The following ADAM28 variants were observed in gnomAD, a reference collection of about 807,000 sequenced individuals.
The protein encoded by ADAM28 is ADAM metallopeptidase domain 28.
In ADAM28, 105 loss-of-function variants were observed where a neutral mutation model predicts 101.2. The ratio of observed to expected loss-of-function variants is 1.04; its 90% CI spans 0.89 to 1.22. ADAM28 has a LOEUF of 1.22. ADAM28 is among the 50% of genes most tolerant of loss of function. The pLI is 0.00. For synonymous variants in ADAM28, 322 were observed against 310.6 expected, an observed-to-expected ratio of 1.04 and a Z score of -0.39; for missense variants, 1,028 against 945.4, an observed-to-expected ratio of 1.09 and a Z score of -1.15.
At chr8:24,296,751 G>A (rs543078643) in intron 1 of ADAM28, among the ~76,000 whole-genome samples, 1 of 152,172 alleles carries the variant, frequency 6.6e-6, no homozygotes, top group Non-Finnish European at 1.5e-5. Context: ...GAGAGAGAAG[G>A]CAAGTATTAA....
Position 24,355,732 on chromosome 8 carries a change from C to G in ADAM28, c.*1328C>G, listed in dbSNP as rs1199167810. 2.6e-5 allele frequency: 4 copies of G among 152,096 alleles called. No homozygotes were observed. Among genetic ancestry groups the G allele is most frequent in the Admixed American group, 6.6e-5 (1 of 15,250 alleles). 9.4% of individuals were successfully genotyped at this position (152,096 alleles called of 1,614,324 possible). Reference sequence around the variant, plus strand: ...CAATGATGTCATGGAATTGGTAGATCAGTGACTGCTGGAGTTACCTCACAC... The same window carrying G: ...CAATGATGTCATGGAATTGGTAGATGAGTGACTGCTGGAGTTACCTCACAC... On this transcript the variant is annotated 3_prime_UTR_variant, in exon 23 of 23. Coordinates refer to ENST00000265769, the MANE Select transcript of ADAM28 (RefSeq NM_014265.6).
intron 2 of ADAM28, among the ~76,000 whole-genome samples, chr8:24,306,877 G>T (rs944962684): frequency 1.3e-5 from 2 of 152,088 alleles, no homozygotes; most frequent in Non-Finnish European, 2.9e-5. Flanking sequence ...GCTGCTGCAT[G>T]CCTCATATCT....
At chr8:24,343,805 T>A (rs182964276) in intron 18 of ADAM28, among the ~76,000 whole-genome samples, 139 of 152,340 alleles carry the variant, frequency 9.1e-4, no homozygotes, top group African/African-American at 3.2e-3. Flanking sequence ...TTCCTCAACC[T>A]TTATATTTGT....
At chr8:24,330,848 T>G (rs1053781463) in intron 11 of ADAM28, among the ~76,000 whole-genome samples, 1 of 152,150 alleles carries the variant, frequency 6.6e-6, no homozygotes, top group Non-Finnish European at 1.5e-5. Flanking sequence ...AAATAAATAT[T>G]TTGGTACCTT....
At chr8:24,327,062 A>G (rs986787748) in intron 10 of ADAM28, among the ~76,000 whole-genome samples, 3 of 152,118 alleles carry the variant, frequency 2.0e-5, no homozygotes, top group Non-Finnish European at 2.9e-5. Context: ...CAGGCAAGAG[A>G]AAGAAATAAA....
chr8:24,325,902 C>CA (rs1812549919), intron 9 of ADAM28, among the ~76,000 whole-genome samples: 1 of 62,642 alleles, frequency 1.6e-5, no homozygotes, highest in Non-Finnish European at 3.3e-5. Flanking sequence ...AAAAAAAAAC[C>CA]AAAAAACAAA....
At chr8:24,320,454 G>T (rs1811722236) in intron 7 of ADAM28, 147 bp downstream of exon 7, 4 of 608,918 alleles carry the variant, frequency 6.6e-6, no homozygotes, top group Middle Eastern at 8.0e-4. Context: ...TATGAAATTT[G>T]ACATTTATAA....
In ADAM28 at chr8:24,326,557, A is replaced by C; in HGVS notation, c.894A>C (p.Ala298=). 1 of 1,611,686 alleles carries C rather than the reference A, an allele frequency of 6.2e-7. No individual in the cohort carries two copies. The highest frequency in any genetic ancestry group is 8.5e-7 in the Non-Finnish European group (1 of 1,178,490). ...TCAATTTATTCCTTTCTTGCAGAGC[A>C]ACAGAACTTGCTGGAACGACTGTGG... ...KRHDIAQLIT[A]TELAGTTVGL... Residue 298 remains alanine (A), a synonymous_variant, in exon 10 of 23, where the codon GCA becomes GCC. Transcript: ENST00000265769.
At position 24,336,223 on chromosome 8, in the gene ADAM28, C is replaced by T. The variant is rs1814028089; in HGVS notation, c.1567+582C>T. ...TTAGAGACCATATTCTCTAATTTCA[C>T]CAAGAAAACTTGAAAAATAAAAGTT... On this transcript the variant is annotated intron_variant, in intron 14 of 22. Coordinates refer to ENST00000265769, the MANE Select transcript of ADAM28 (RefSeq NM_014265.6). 3.3e-6 allele frequency: 3 copies of T among 922,180 alleles called. No individual in the cohort carries two copies. The African/African-American group carries it at 5.4e-5, about 17-fold the overall frequency. 57.1% of individuals were successfully genotyped at this position (922,180 alleles called of 1,614,324 possible). A position where few individuals can be genotyped will look rare whatever the true frequency, so the allele number is the denominator to read the frequency against.
At chr8:24,309,284 T>C (rs1333771959) in intron 2 of ADAM28, among the ~76,000 whole-genome samples, 1 of 152,200 alleles carries the variant, frequency 6.6e-6, no homozygotes, top group Non-Finnish European at 1.5e-5. Flanking sequence ...ATTCCTGTTA[T>C]GTTTCTCATA....
chr8:24,342,895 C>T (rs1293585101), intron 16 of ADAM28: 2 of 799,478 alleles, frequency 2.5e-6, no homozygotes, highest in African/African-American at 3.5e-5. Context: ...TACATAAATT[C>T]TTAGATAGAC....
intron 8 of ADAM28, 24 bp downstream of exon 8, chr8:24,321,313 A>G: frequency 3.9e-6 from 6 of 1,526,514 alleles, no homozygotes; most frequent in Non-Finnish European, 5.4e-6. Context: ...TATTACCTGC[A>G]GTTTTAAACA....
rs1490420532 is a variant in ADAM28, at chr8:24,335,597, C to T, written c.1523C>T (p.Thr508Ile). ...GGGAAGGGCCACTGCTTGATGGGGA[C>T]ATGCCCCACACTGCAGGAGCAGTGC... ...HHGKGHCLMG[T>I]CPTLQEQCTE... The change falls in exon 14 of 23, where the codon ACA becomes ATA. Residue 508 changes from threonine (T) to isoleucine (I), a missense_variant. Coordinates refer to ENST00000265769, the MANE Select transcript of ADAM28 (RefSeq NM_014265.6). 6.8e-6 allele frequency: 11 copies of T among 1,613,358 alleles called. No homozygotes were observed. Among genetic ancestry groups the T allele is most frequent in the South Asian group, 1.1e-5 (1 of 90,934 alleles).
intron 6 of ADAM28, among the ~76,000 whole-genome samples, chr8:24,315,372 A>T (rs1811030458): frequency 6.6e-6 from 1 of 151,980 alleles, no homozygotes; most frequent in Non-Finnish European, 1.5e-5. Flanking sequence ...ATCTTAAAGG[A>T]CTAATATGAA....
intron 6 of ADAM28, among the ~76,000 whole-genome samples, chr8:24,319,656 G>A (rs930798197): frequency 7.3e-5 from 11 of 151,400 alleles, no homozygotes; most frequent in African/African-American, 2.7e-4. Flanking sequence ...CCTTTTCAAT[G>A]AGTCAATCCA....
chr8:24,341,801 T>C, intron 16 of ADAM28, 44 bp downstream of exon 16: 1 of 1,611,454 alleles, frequency 6.2e-7, no homozygotes, highest in Non-Finnish European at 8.5e-7. Flanking sequence ...TGTTTTTTAC[T>C]TTGGTGTGCT....
At chr8:24,341,304 G>A (rs937602398) in intron 15 of ADAM28, 2 of 274,194 alleles carry the variant, frequency 7.3e-6, no homozygotes, top group Non-Finnish European at 1.3e-5. Context: ...CTCATTTAAG[G>A]CCACCTTCTA....
At chr8:24,354,175 C>T (rs2289041) in intron 22 of ADAM28, among the ~76,000 whole-genome samples, 5,888 of 152,062 alleles carry the variant, frequency 0.039, 152 homozygotes, top group East Asian at 0.068. Flanking sequence ...TGCTAATTAC[C>T]GGATAGATAC....
chr8:24,349,330 T>C (rs1338175178), intron 18 of ADAM28, among the ~76,000 whole-genome samples: 2 of 152,242 alleles, frequency 1.3e-5, no homozygotes, highest in Non-Finnish European at 2.9e-5. Context: ...CCAGGAATAT[T>C]TGTTCAAACC....
Sources: gnomAD v4.1 joint callset for allele counts (sites outside exome capture counted in the v4.1 genomes callset) on GRCh38, gnomAD v4.1.1 for gene constraint, MANE v1.5 for transcripts, NCBI Gene and HGNC (gene_info 2026-07-23, HGNC 2026-07-21) for gene names.